The following HMG20B variants were observed in gnomAD, a reference collection of about 807,000 sequenced individuals.
HMG20B encodes the protein SWI/SNF-related matrix-associated actin-dependent regulator of chromatin subfamily E member 1-related.
Under a neutral mutation model 41.6 loss-of-function variants are expected in HMG20B, and 24 were observed. The observed-to-expected ratio is 0.58, with a 90% CI of 0.42 to 0.81. The LOEUF (loss-of-function observed/expected upper bound fraction) is 0.81, where lower values mean the gene tolerates loss of function less well. Among genes scored for constraint, HMG20B ranks in the 30% least tolerant of loss-of-function variants. HMG20B has a pLI of 0.00. For synonymous variants in HMG20B, 251 were observed against 186.6 expected, an observed-to-expected ratio of 1.34 and a Z score of -2.81; for missense variants, 461 against 444.0, an observed-to-expected ratio of 1.04 and a Z score of -0.34.
chr19:3,576,341 G>A (rs1568272635), intron 6 of HMG20B, 34 bp downstream of exon 6: 13 of 1,606,828 alleles, frequency 8.1e-6, no homozygotes, highest in Admixed American at 5.0e-5. Flanking sequence ...AGCACCTGGG[G>A]GAGAAAGGTC....
chr19:3,573,241 G>A lies in HMG20B; in HGVS notation c.-18-51G>A, dbSNP rs1195631498. 1.1e-5 allele frequency: 16 copies of A among 1,451,882 alleles called. No individual in the cohort carries two copies. In the East Asian group the frequency reaches 2.0e-4, roughly 18 times the overall value. 89.9% of individuals were successfully genotyped at this position (1,451,882 alleles called of 1,614,324 possible). The stretch of plus-strand genomic sequence containing the variant: ...CGCGGGGTACCCCAGTTCGCGGTCT[G>A]CCATCGGGCAGCCCGGGCGCTACTC... On this transcript the variant is annotated intron_variant, in intron 1 of 9. Transcript: ENST00000333651.
Position 3,577,105 on chromosome 19 carries a change from C to A in HMG20B, c.806C>A (p.Pro269Gln). 6.5e-7 allele frequency: 1 copy of A among 1,528,138 alleles called. No homozygotes were observed. Among genetic ancestry groups the A allele is most frequent in the South Asian group, 1.2e-5 (1 of 82,700 alleles). The allele number at this position is 1,528,138 out of a possible 1,614,324, so 94.7% of individuals were successfully genotyped here. A position where few individuals can be genotyped will look rare whatever the true frequency, so the allele number is the denominator to read the frequency against. ...GCCAGCTTCGCCTCACTGCCGGTGC[C>A]GGGTGCGGGCCACGCCCATCTCCCA... ...LTASFASLPV[P>Q]GTGETPTLGT... The change falls in exon 8 of 10, where the codon CCG (proline) becomes CAG (glutamine). Residue 269 changes from proline to glutamine, a missense_variant and splice_region_variant. By Grantham distance (76) the Pro-to-Gln change is moderately conservative. Transcript: ENST00000333651.
At chr19:3,573,596 G>T (rs1306052359) in intron 2 of HMG20B, 96 bp from the exon 3 acceptor site, 2 of 1,151,952 alleles carry the variant, frequency 1.7e-6, no homozygotes, top group East Asian at 2.9e-5. Context: ...CACTCTCGCT[G>T]CAGCCCCGCC....
chr19:3,575,412 G>T, intron 4 of HMG20B, 128 bp from the exon 5 acceptor site: 1 of 1,453,338 alleles, frequency 6.9e-7, no homozygotes, highest in Non-Finnish European at 9.2e-7. Flanking sequence ...GGTTCTGTCT[G>T]CCTGGAGGGA....
In HMG20B at chr19:3,573,159, C is replaced by G. The variant is rs377174940; in HGVS notation, c.-18-133C>G. On this transcript the variant is annotated intron_variant, in intron 1 of 9. Transcript: ENST00000333651. Reference sequence around the variant, plus strand: ...GGGGCGCCCGCCCTCGAGGACTTCCCTGCCCCTGGATCCGGCCCCCCCAGC... The same window carrying G: ...GGGGCGCCCGCCCTCGAGGACTTCCGTGCCCCTGGATCCGGCCCCCCCAGC... 4.8e-4 allele frequency: 317 copies of G among 666,712 alleles called. 3 individuals carry two copies. In the African/African-American group the frequency reaches 5.6e-3, roughly 12 times the overall value. 41.3% of individuals were successfully genotyped at this position (666,712 alleles called of 1,614,324 possible). A position where few individuals can be genotyped will look rare whatever the true frequency, so the allele number is the denominator to read the frequency against.
chr19:3,578,295 C>T (rs757449514), intron 9 of HMG20B, 182 bp downstream of exon 9: 212 of 1,144,654 alleles, frequency 1.9e-4, no homozygotes, highest in Non-Finnish European at 2.5e-4. Context: ...ATGGAGAACC[C>T]CGGGCCGGCG....
At chr19:3,576,398 T>G (rs2032163094) in intron 6 of HMG20B, 91 bp downstream of exon 6, 1 of 1,440,950 alleles carries the variant, frequency 6.9e-7, no homozygotes, top group South Asian at 1.1e-5. Flanking sequence ...CGCCCAGATG[T>G]GTGCAAGCAG....
rs540412825 is a variant in HMG20B, at chr19:3,575,382, G to A, written c.352-158G>A. 3.9e-6 allele frequency: 5 copies of A among 1,295,466 alleles called. No homozygotes were observed. The Admixed American group carries it at 1.3e-4, about 33-fold the overall frequency. The allele number at this position is 1,295,466 out of a possible 1,614,324, so 80.2% of individuals were successfully genotyped here. A position where few individuals can be genotyped will look rare whatever the true frequency, so the allele number is the denominator to read the frequency against. The stretch of plus-strand genomic sequence containing the variant: ...GTGAGGTGGGAGCTCGGAGGTCCCT[G>A]AGCAACAGGCTGAGGAGCCGGTTCT... On this transcript the variant is annotated intron_variant, in intron 4 of 9. Coordinates refer to ENST00000333651, the MANE Select transcript of HMG20B (RefSeq NM_006339.3).
At chr19:3,574,220 C>G (rs2032106399) in intron 3 of HMG20B, 163 bp from the exon 4 acceptor site, 1 of 665,212 alleles carries the variant, frequency 1.5e-6, no homozygotes, top group African/African-American at 1.8e-5. Flanking sequence ...CCCACCGTGT[C>G]CCGACTGCTG....
chr19:3,573,503 G>A (rs375631202), intron 2 of HMG20B, 156 bp downstream of exon 2: 10 of 930,848 alleles, frequency 1.1e-5, no homozygotes, highest in Non-Finnish European at 1.4e-5. Context: ...CCCCACCTCG[G>A]CCTCCAGTCC....
rs947887242 is a variant in HMG20B at position 3,573,867 on chromosome 19, A to T, written c.147+67A>T. ...CGCCCCAGCCTCGAAGCCCCGCCCC[A>T]GGCTGGATTTGAATTGCTTGTGGCT... On this transcript the variant is annotated intron_variant, in intron 3 of 9. Coordinates refer to ENST00000333651, the MANE Select transcript of HMG20B (RefSeq NM_006339.3). The T allele has an allele frequency of 2.8e-6, 4 of 1,407,958 alleles. No homozygotes were observed. The African/African-American group carries it at 5.7e-5, about 20-fold the overall frequency. The allele number at this position is 1,407,958 out of a possible 1,614,324, so 87.2% of individuals were successfully genotyped here.
intron 3 of HMG20B, 33 bp from the exon 4 acceptor site, chr19:3,574,349 GC>G (rs1000213489): frequency 5.8e-6 from 9 of 1,548,978 alleles, no homozygotes; most frequent in African/African-American, 5.5e-5. Context: ...AGTACGCCAG[GC>G]CCCCCTCCCA....
intron 3 of HMG20B, 90 bp from the exon 4 acceptor site, chr19:3,574,293 G>GC: frequency 4.3e-6 from 1 of 233,384 alleles, no homozygotes; most frequent in Non-Finnish European, 7.6e-6. Context: ...CCCCATCCCC[G>GC]CCCATACGCG....
At chr19:3,573,218 C>T (rs2032079498) in intron 1 of HMG20B, 74 bp from the exon 2 acceptor site, 8 of 1,267,466 alleles carry the variant, frequency 6.3e-6, no homozygotes, top group African/African-American at 1.6e-5. Context: ...CTCTCCATCG[C>T]GGGGTACCCC....
intron 9 of HMG20B, 144 bp from the exon 10 acceptor site, chr19:3,578,365 G>C (rs1333265664): frequency 1.4e-5 from 18 of 1,276,808 alleles, no homozygotes; most frequent in Non-Finnish European, 1.6e-5. Flanking sequence ...CCCAGCGCCC[G>C]GGTTAGATAG....
At position 3,573,318 on chromosome 19, in the gene HMG20B, C is replaced by A; in HGVS notation, c.9C>A (p.His3Gln). 1 of 1,531,086 alleles carries A rather than the reference C, an allele frequency of 6.5e-7. No homozygotes were observed. The highest frequency in any genetic ancestry group is 2.6e-5 in the East Asian group (1 of 38,836). 94.8% of individuals were successfully genotyped at this position (1,531,086 alleles called of 1,614,324 possible). Residue 3 changes from histidine to glutamine, a missense_variant, in exon 2 of 10, where the codon CAC becomes CAA. His to Gln is a conservative substitution (Grantham distance 24). Transcript: ENST00000333651. MS[H>Q]GPKQPGAAAA... Reference sequence around the variant, plus strand: ...TCCGGCCCGGAGCGGCCATGTCCCACGGCCCCAAGCAGCCCGGCGCGGCCG... The same window carrying A: ...TCCGGCCCGGAGCGGCCATGTCCCAAGGCCCCAAGCAGCCCGGCGCGGCCG...
intron 2 of HMG20B, 43 bp downstream of exon 2, chr19:3,573,390 G>A: frequency 2.0e-6 from 3 of 1,492,004 alleles, no homozygotes; most frequent in Non-Finnish European, 2.7e-6. Flanking sequence ...CTACTTTCCC[G>A]GCTGCAGCCC....
rs373294013 is a variant in HMG20B at position 3,573,770 on chromosome 19, C to G, written c.117C>G (p.Arg39=). The G allele has an allele frequency of 7.4e-5, 116 of 1,567,252 alleles. No individual in the cohort carries two copies. The highest frequency in any genetic ancestry group is 9.7e-5 in the Non-Finnish European group (113 of 1,160,110). The change falls in exon 3 of 10, where the codon CGC becomes CGG. Residue 39 remains arginine, a synonymous_variant. Transcript: ENST00000333651. ...TVKQERGEGP[R]AGEKGSHEEE... is the part of the protein sequence containing the mutation. ...AGCAAGAGCGCGGCGAGGGTCCACG[C>G]GCGGGCGAGAAGGGGTCCCACGAGG... is the stretch of plus-strand genomic sequence containing the variant.
chr19:3,578,152 G>A, intron 9 of HMG20B, 39 bp downstream of exon 9: 1 of 1,596,356 alleles, frequency 6.3e-7, no homozygotes, highest in Non-Finnish European at 8.5e-7. Flanking sequence ...CGGGGTTCAA[G>A]GCCCGGATGT....
Sources: gnomAD v4.1 joint callset for allele counts on GRCh38, gnomAD v4.1.1 for gene constraint, MANE v1.5 for transcripts, NCBI Gene and HGNC (gene_info 2026-07-23, HGNC 2026-07-21) for gene names.